The following WWOX variants were observed in gnomAD, a reference collection of about 807,000 sequenced individuals.
WWOX encodes WW domain containing oxidoreductase, also known as WW domain-containing oxidoreductase.
In WWOX, 69 loss-of-function variants were observed where a neutral mutation model predicts 46.2. That is an observed-to-expected ratio of 1.49 (90% CI 1.23 to 1.82). The LOEUF is 1.82. Among genes scored for constraint, WWOX ranks in the 40% most tolerant of loss-of-function variants. The probability of loss-of-function intolerance (pLI) is 0.00; values close to 1 mark genes in which losing one functional copy is unlikely to be tolerated. For missense variants in WWOX, 919 were observed against 542.6 expected (o/e 1.69, Z -6.89); for synonymous variants, 359 against 202.6 (o/e 1.77, Z -6.56).
At chr16:78,432,114 C>T (rs571335495) in intron 7 of WWOX, among the ~76,000 whole-genome samples, 1 of 143,264 alleles carries the variant, frequency 7.0e-6, no homozygotes, top group East Asian at 2.0e-4. Context: ...ATAGTTTCCT[C>T]AGATTGCTTT....
At chr16:79,129,424 G>A (rs761840696) in intron 8 of WWOX, among the ~76,000 whole-genome samples, 5 of 147,734 alleles carry the variant, frequency 3.4e-5, no homozygotes, top group African/African-American at 5.0e-5. Context: ...TATCAAACAC[G>A]GGAGAAAAAC....
At chr16:79,155,393 G>C (rs927393690) in intron 8 of WWOX, among the ~76,000 whole-genome samples, 1 of 152,040 alleles carries the variant, frequency 6.6e-6, no homozygotes, top group African/African-American at 2.4e-5. Context: ...CAACAAAAAA[G>C]GTGGGGGGGT....
chr16:78,351,290 T>C (rs1286193791), intron 5 of WWOX, among the ~76,000 whole-genome samples: 3 of 152,208 alleles, frequency 2.0e-5, no homozygotes, highest in African/African-American at 7.2e-5. Context: ...TTCCTTTAAA[T>C]CCCTTTACTT....
chr16:78,983,042 T>C (rs952939891), intron 8 of WWOX, among the ~76,000 whole-genome samples: 1 of 152,196 alleles, frequency 6.6e-6, no homozygotes, highest in African/African-American at 2.4e-5. Context: ...GAAGTATTTA[T>C]TGTGGGTCTC....
Position 78,624,206 on chromosome 16 carries a change from C to CT in WWOX, c.1056+191470dup, listed in dbSNP as rs201758464. ...TTGTTTTATTTATTTATTTTCTAAT[C>CT]TTTTTTTTTTTTTTTTCGTGGAATC... On this transcript the variant is annotated intron_variant, in intron 8 of 8. Transcript: ENST00000566780. Among the ~76,000 whole-genome samples the CT allele has an allele frequency of 6.0e-3, 802 of 134,780 alleles. 8 individuals are homozygous for CT. The highest frequency in any genetic ancestry group is 0.011 in the Middle Eastern group (3 of 262). 88.4% of individuals were successfully genotyped at this position (134,780 alleles called of 152,430 possible).
chr16:78,689,473 C>G (rs979364284), intron 8 of WWOX, among the ~76,000 whole-genome samples: 4 of 152,230 alleles, frequency 2.6e-5, no homozygotes, highest in Admixed American at 1.3e-4. Flanking sequence ...GAGCCCACTT[C>G]TCAACTAGAC....
intron 6 of WWOX, among the ~76,000 whole-genome samples, chr16:78,394,757 C>A (rs74028165): frequency 2.0e-4 from 31 of 152,238 alleles, no homozygotes; most frequent in African/African-American, 7.5e-4. Context: ...GGCAGTGTTG[C>A]AATAAAACTT....
chr16:78,933,749 T>C (rs112442565), intron 8 of WWOX, among the ~76,000 whole-genome samples: 2,232 of 152,212 alleles, frequency 0.015, 47 homozygotes, highest in African/African-American at 0.05. Context: ...GTGAGACTTA[T>C]TCACTATCAC....
intron 8 of WWOX, among the ~76,000 whole-genome samples, chr16:78,716,781 G>A (rs937386117): frequency 2.0e-5 from 3 of 152,094 alleles, no homozygotes; most frequent in African/African-American, 4.8e-5. Flanking sequence ...TATAGTCCTG[G>A]AGAAACGTGG....
chr16:78,508,310 C>CTTTTTTTTTTTTT lies in WWOX; in HGVS notation c.1056+75576_1056+75588dup, dbSNP rs60281450. On this transcript the variant is annotated intron_variant, in intron 8 of 8. Transcript: ENST00000566780. ...ATAGGCGTGAGCCACTGCGCCCGGC[C>CTTTTTTTTTTTTT]TTTTTTTTTTTTTTTTTTTTTTTTT... Among the ~76,000 whole-genome samples the CTTTTTTTTTTTTT allele has an allele frequency of 1.4e-4, 16 of 112,766 alleles. 2 individuals carry two copies. The East Asian group carries it at 1.6e-3, about 12-fold the overall frequency. 74.0% of individuals were successfully genotyped at this position (112,766 alleles called of 152,430 possible). A position where few individuals can be genotyped will look rare whatever the true frequency, so the allele number is the denominator to read the frequency against.
At chr16:78,370,730 A>G (rs544578951) in intron 5 of WWOX, among the ~76,000 whole-genome samples, 4 of 139,156 alleles carry the variant, frequency 2.9e-5, no homozygotes, top group East Asian at 2.3e-4. Flanking sequence ...CCATCTGCCA[A>G]TGTGAGTTTT....
At chr16:78,583,713 A>C (rs2045120518) in intron 8 of WWOX, among the ~76,000 whole-genome samples, 2 of 152,200 alleles carry the variant, frequency 1.3e-5, no homozygotes, top group African/African-American at 2.4e-5. Context: ...CCGTGCCCTG[A>C]TGTGGAGTTG....
In WWOX at chr16:78,716,834, C is replaced by T. The variant is rs79121005; in HGVS notation, c.1056+284082C>T. On this transcript the variant is annotated intron_variant, in intron 8 of 8. Coordinates refer to ENST00000566780, the MANE Select transcript of WWOX (RefSeq NM_016373.4). ...CCATAGCCTGAGCTTACCCTCCCTA[C>T]GCAACCACAGCTGTGTGCAGCTTCA... 3.8e-3 allele frequency among the ~76,000 whole-genome samples: 576 copies of T among 152,284 alleles called. 4 individuals carry two copies. Among genetic ancestry groups the T allele is most frequent in the African/African-American group, 4.3e-3 (180 of 41,562 alleles).
intron 8 of WWOX, among the ~76,000 whole-genome samples, chr16:78,856,878 T>A (rs1220059655): frequency 6.6e-6 from 1 of 152,238 alleles, no homozygotes; most frequent in African/African-American, 2.4e-5. Context: ...CATCATAGAG[T>A]ATACCTATAC....
At chr16:79,002,420 TG>T (rs1241402683) in intron 8 of WWOX, among the ~76,000 whole-genome samples, 1 of 151,904 alleles carries the variant, frequency 6.6e-6, no homozygotes, top group African/African-American at 2.4e-5. Context: ...GACAGGGTTT[TG>T]ACATGTTGCC....
At chr16:79,059,340 C>A (rs1022942019) in intron 8 of WWOX, among the ~76,000 whole-genome samples, 1 of 152,136 alleles carries the variant, frequency 6.6e-6, no homozygotes, top group South Asian at 2.1e-4. Flanking sequence ...TTAACTATAT[C>A]GTCAACTACC....
chr16:78,220,635 A>G (rs2036857640), intron 5 of WWOX, among the ~76,000 whole-genome samples: 1 of 152,198 alleles, frequency 6.6e-6, no homozygotes, highest in East Asian at 1.9e-4. Context: ...AATATGCTTA[A>G]TGTTGTCTTG....
In WWOX at chr16:78,864,845, A is replaced by C. The variant is rs137896235; in HGVS notation, c.1057-346763A>C. Among the ~76,000 whole-genome samples, 1,247 of 135,372 alleles carry C rather than the reference A, an allele frequency of 9.2e-3. 20 individuals carry two copies. The highest frequency in any genetic ancestry group is 0.034 in the African/African-American group (1,181 of 35,014). The allele number at this position is 135,372 out of a possible 152,430, so 88.8% of individuals were successfully genotyped here. A position where few individuals can be genotyped will look rare whatever the true frequency, so the allele number is the denominator to read the frequency against. On this transcript the variant is annotated intron_variant, in intron 8 of 8. Transcript: ENST00000566780. ...TGGTGTGAACTCGGCTCACTGCAAC[A>C]TCCACCTCCCGGGTTCAAGCGATTC...
intron 8 of WWOX, among the ~76,000 whole-genome samples, chr16:78,716,660 C>T (rs931293567): frequency 6.6e-6 from 1 of 151,998 alleles, no homozygotes; most frequent in Non-Finnish European, 1.5e-5. Flanking sequence ...CTGTGCTGCT[C>T]CTTGGGTGAC....
Sources: allele counts gnomAD v4.1 joint callset (sites outside exome capture counted in the v4.1 genomes callset), GRCh38; gene constraint gnomAD v4.1.1; transcripts MANE v1.5; gene names NCBI Gene and HGNC (gene_info 2026-07-23, HGNC 2026-07-21).